The following ADAT3 variants were observed in gnomAD, a reference collection of about 807,000 sequenced individuals.
ADAT3 encodes tRNA-specific adenosine-34 deaminase regulatory subunit ADAT3.
In ADAT3, 2 loss-of-function variants were observed where a neutral mutation model predicts 3.5. That is an observed-to-expected ratio of 0.57 (90% CI 0.23 to 1.79). The LOEUF is 1.79. Among genes scored for constraint, ADAT3 ranks in the 40% most tolerant of loss-of-function variants. The pLI, the probability that ADAT3 is intolerant of heterozygous loss-of-function variation, is 0.18. For synonymous variants in ADAT3, 358 were observed against 270.3 expected, an observed-to-expected ratio of 1.32 and a Z score of -3.18; for missense variants, 735 against 571.4, an observed-to-expected ratio of 1.29 and a Z score of -2.92.
chr19:1,908,354 G>C lies in ADAT3; in HGVS notation c.-159+2915G>C, dbSNP rs1315378797. 3 of 385,112 alleles carry C rather than the reference G, an allele frequency of 7.8e-6. No individual in the cohort carries two copies. Among genetic ancestry groups the C allele is most frequent in the East Asian group, 1.5e-4 (2 of 13,620 alleles). 23.9% of individuals were successfully genotyped at this position (385,112 alleles called of 1,614,324 possible). A position where few individuals can be genotyped will look rare whatever the true frequency, so the allele number is the denominator to read the frequency against. On this transcript the variant is annotated intron_variant, in intron 1 of 1. Transcript: ENST00000329478. The surrounding 1 kb of genome is among the most constrained non-coding windows in gnomAD (Gnocchi z 4.2). ...CGTGACCTCCAAGGCCACTGGCCTG[G>C]AGTTCCACTGGCTGCTGGTCCCCCA...
At chr19:1,906,008 C>T (rs978118364) in intron 1 of ADAT3, 1 of 152,360 alleles carries the variant, frequency 6.6e-6, no homozygotes, top group East Asian at 1.9e-4. Flanking sequence ...CGAGGTTCCC[C>T]GCTGTCTTGC....
Position 1,912,266 on chromosome 19 carries a change from AC to A in ADAT3, c.220del (p.Arg74AlafsTer3). 1 of 1,593,696 alleles carries A rather than the reference AC, an allele frequency of 6.3e-7. No individual in the cohort carries two copies. Among genetic ancestry groups the A allele is most frequent in the Non-Finnish European group, 8.5e-7 (1 of 1,173,472 alleles). On this transcript the variant is annotated frameshift_variant, in exon 2 of 2. Coordinates refer to ENST00000329478, the MANE Select transcript of ADAT3 (RefSeq NM_138422.4). LOFTEE classifies it low-confidence loss of function (END_TRUNC). The stretch of plus-strand genomic sequence containing the variant: ...CCGTCCTGGACAAGCGCCAGACCTC[AC>A]GCCTCCTGAAGGAGGTGTCGGCCCT... ...APVLDKRQTS[R>X]LLKEVSALHP...
rs1333525661 is a variant in ADAT3, at chr19:1,912,197, G to C, written c.150G>C (p.Glu50Asp). 2.5e-6 allele frequency: 4 copies of C among 1,587,542 alleles called. No homozygotes were observed. In the South Asian group the frequency reaches 4.6e-5, roughly 18 times the overall value. The change falls in exon 2 of 2, where the codon GAG becomes GAC. Residue 50 changes from glutamate (E) to aspartate (D), a missense_variant. Glu to Asp is a conservative substitution (Grantham distance 45). Coordinates refer to ENST00000329478, the MANE Select transcript of ADAT3 (RefSeq NM_138422.4). Reference sequence around the variant, plus strand: ...GGCAGGCCCTCCCTGTCCTGTCCGAGAAGCAGTCAGGGGACGTGGAGCTGG... The same window carrying C: ...GGCAGGCCCTCCCTGTCCTGTCCGACAAGCAGTCAGGGGACGTGGAGCTGG... ...APWQALPVLSEKQSGDVELVL... is the reference protein window; with the variant it reads ...APWQALPVLSDKQSGDVELVL...
Position 1,912,837 on chromosome 19 carries a change from G to T in ADAT3, c.790G>T (p.Ala264Ser). Residue 264 changes from alanine to serine, a missense_variant, in exon 2 of 2, where the codon GCC becomes TCC. Ala to Ser is a moderately conservative substitution (Grantham distance 99, BLOSUM62 1). Coordinates refer to ENST00000329478, the MANE Select transcript of ADAT3 (RefSeq NM_138422.4). ...RGTYDFRPFP[A>S]CSFAPAAAPQ... ...CACCTACGACTTCAGACCCTTCCCC[G>T]CCTGCTCCTTCGCCCCGGCCGCTGC... The T allele has an allele frequency of 1.9e-6, 3 of 1,592,824 alleles. No individual in the cohort carries two copies. The highest frequency in any genetic ancestry group is 4.5e-5 in the East Asian group (2 of 44,426).
At chr19:1,906,436 G>A (rs944102160) in intron 1 of ADAT3, 14 of 151,976 alleles carry the variant, frequency 9.2e-5, no homozygotes, top group Admixed American at 3.9e-4. Flanking sequence ...CTACTTGGGA[G>A]GCTGAGGCAG....
In ADAT3 at chr19:1,912,120, G is replaced by A. The variant is rs761879035; in HGVS notation, c.73G>A (p.Glu25Lys). The A allele has an allele frequency of 2.3e-5, 35 of 1,542,118 alleles. No homozygotes were observed. The highest frequency in any genetic ancestry group is 2.9e-5 in the Non-Finnish European group (33 of 1,149,728). The change falls in exon 2 of 2, where the codon GAG (glutamate) becomes AAG (lysine). Residue 25 changes from glutamate to lysine, a missense_variant. By Grantham distance (56) the Glu-to-Lys change is moderately conservative. Transcript: ENST00000329478. The part of the protein sequence containing the change: ...LRMEPAPGLV[E>K]QPKCLEAGSP... The stretch of plus-strand genomic sequence containing the variant: ...GATGGAGCCCGCCCCGGGCCTCGTG[G>A]AGCAGCCCAAGTGCTTGGAGGCCGG...
chr19:1,908,916 C>T lies in ADAT3; in HGVS notation c.-158-2974C>T, dbSNP rs561528493. Among the ~76,000 whole-genome samples the T allele has an allele frequency of 2.0e-5, 3 of 152,042 alleles. No homozygotes were observed. The highest frequency in any genetic ancestry group is 2.0e-4 in the Admixed American group (3 of 15,252). ...GTCAGGAGTTCCAAGACCAGCCTGG[C>T]CAACATGGTGGAACCCCGTCTCTAC... On this transcript the variant is annotated intron_variant, in intron 1 of 1. Coordinates refer to ENST00000329478, the MANE Select transcript of ADAT3 (RefSeq NM_138422.4). The surrounding 1 kb of genome is among the most constrained non-coding windows in gnomAD (Gnocchi z 4.2).
In ADAT3 at chr19:1,913,311, A is replaced by G. The variant is rs978775318; in HGVS notation, c.*160A>G. ...CGGGTGCTGCCTTCCGTGCGGATCG[A>G]GCTTTCCTGGACTCGGTCATTGGGG... On this transcript the variant is annotated 3_prime_UTR_variant, in exon 2 of 2. Transcript: ENST00000329478. 8.6e-7 allele frequency: 1 copy of G among 1,157,142 alleles called. No homozygotes were observed. Among genetic ancestry groups the G allele is most frequent in the African/African-American group, 1.6e-5 (1 of 62,696 alleles). 71.7% of individuals were successfully genotyped at this position (1,157,142 alleles called of 1,614,324 possible).
intron 1 of ADAT3, chr19:1,906,381 T>A (rs2013114922): frequency 6.6e-6 from 1 of 152,164 alleles, no homozygotes; most frequent in African/African-American, 2.4e-5. Flanking sequence ...AAAAAAGATT[T>A]TTTTTTAATA....
chr19:1,905,921 T>TC (rs1446591483), intron 1 of ADAT3: 2 of 152,250 alleles, frequency 1.3e-5, no homozygotes, highest in African/African-American at 4.8e-5. Flanking sequence ...TCGTTCCTCA[T>TC]CGTTACCTAG....
At position 1,912,462 on chromosome 19, in the gene ADAT3, C is replaced by G. The variant is rs2013516865; in HGVS notation, c.415C>G (p.Pro139Ala). 1 of 1,505,124 alleles carries G rather than the reference C, an allele frequency of 6.6e-7. No individual in the cohort carries two copies. The highest frequency in any genetic ancestry group is 8.8e-7 in the Non-Finnish European group (1 of 1,134,212). The allele number at this position is 1,505,124 out of a possible 1,614,324, so 93.2% of individuals were successfully genotyped here. ...TGTGGACCCCCGCGGCCTGGGGCAA[C>G]CCTTCCTGGTGCCCGTGCCCGCCCG... ...PAVDPRGLGQ[P>A]FLVPVPARPP... Residue 139 changes from proline (P) to alanine (A), a missense_variant, in exon 2 of 2, where the codon CCC (proline) becomes GCC (alanine). By Grantham distance (27) the Pro-to-Ala change is conservative. Coordinates refer to ENST00000329478, the MANE Select transcript of ADAT3 (RefSeq NM_138422.4).
At chr19:1,911,853 T>A (rs1355679560) in intron 1 of ADAT3, 37 bp from the exon 2 acceptor site, 1 of 533,428 alleles carries the variant, frequency 1.9e-6, no homozygotes, top group Non-Finnish European at 2.9e-6. Flanking sequence ...TCTTCGTTTT[T>A]AAAAACCAAT....
intron 1 of ADAT3, among the ~76,000 whole-genome samples, chr19:1,910,042 C>T (rs1213507768): frequency 6.6e-6 from 1 of 152,206 alleles, no homozygotes; most frequent in Non-Finnish European, 1.5e-5. Flanking sequence ...CCGTGTCCCC[C>T]ACACTTGGCA....
chr19:1,912,882 G>T lies in ADAT3; in HGVS notation c.835G>T (p.Gly279Cys). 1 of 1,605,164 alleles carries T rather than the reference G, an allele frequency of 6.2e-7. No homozygotes were observed. ...PAAAPQAVRA[G>C]AVRKLDADED... is the part of the protein sequence containing the mutation. Reference sequence around the variant, plus strand: ...CGCTGCCCCCCAGGCCGTCCGCGCAGGCGCCGTGCGTAAACTGGACGCAGA... The same window carrying T: ...CGCTGCCCCCCAGGCCGTCCGCGCATGCGCCGTGCGTAAACTGGACGCAGA... Residue 279 changes from glycine (G) to cysteine (C), a missense_variant, in exon 2 of 2, where the codon GGC becomes TGC. By Grantham distance (159) the Gly-to-Cys change is radical (BLOSUM62 -3). Transcript: ENST00000329478.
In ADAT3 at chr19:1,905,426, C is replaced by A. The variant is rs1218421891; in HGVS notation, c.-172C>A. 4 of 463,324 alleles carry A rather than the reference C, an allele frequency of 8.6e-6. No homozygotes were observed. The allele number at this position is 463,324 out of a possible 1,614,324, so 28.7% of individuals were successfully genotyped here. ...GACTTGGCGAAGCGCTGCGCTCGCG[C>A]CCGGATCCCTCAGGTAAGCGCGCGG... On this transcript the variant is annotated 5_prime_UTR_variant, in exon 1 of 2. Transcript: ENST00000329478.
Position 1,912,136 on chromosome 19 carries a change from T to TGGAGGCCG in ADAT3, c.94_101dup (p.Ser34ArgfsTer46), listed in dbSNP as rs1284626721. On this transcript the variant is annotated frameshift_variant, in exon 2 of 2. Transcript: ENST00000329478. LOFTEE classifies it low-confidence loss of function (END_TRUNC). The stretch of plus-strand genomic sequence containing the variant: ...GGCCTCGTGGAGCAGCCCAAGTGCT[T>TGGAGGCCG]GGAGGCCGGGAGCCCGGAGCCTGAG... 3.2e-6 allele frequency: 5 copies of TGGAGGCCG among 1,557,450 alleles called. No individual in the cohort carries two copies. The highest frequency in any genetic ancestry group is 1.4e-5 in the African/African-American group (1 of 73,412).
In ADAT3 at chr19:1,905,428, C is replaced by T. The variant is rs548129125; in HGVS notation, c.-170C>T. ...CTTGGCGAAGCGCTGCGCTCGCGCCCGGATCCCTCAGGTAAGCGCGCGGCC... is the reference window on the plus strand; with the variant it reads ...CTTGGCGAAGCGCTGCGCTCGCGCCTGGATCCCTCAGGTAAGCGCGCGGCC... On this transcript the variant is annotated 5_prime_UTR_variant, in exon 1 of 2. Transcript: ENST00000329478. 4 of 463,704 alleles carry T rather than the reference C, an allele frequency of 8.6e-6. No individual in the cohort carries two copies. The highest frequency in any genetic ancestry group is 2.0e-5 in the African/African-American group (1 of 49,332). The allele number at this position is 463,704 out of a possible 1,614,324, so 28.7% of individuals were successfully genotyped here. A position where few individuals can be genotyped will look rare whatever the true frequency, so the allele number is the denominator to read the frequency against.
rs146212621 is a variant in ADAT3, at chr19:1,912,901, A to G, written c.854A>G (p.Asp285Gly). ...AVRAGAVRKL[D>G]ADEDGLPYLC... ...CGCGCAGGCGCCGTGCGTAAACTGG[A>G]CGCAGACGAGGACGGCCTCCCCTAC... The change falls in exon 2 of 2, where the codon GAC becomes GGC. Residue 285 changes from aspartate to glycine, a missense_variant. Physicochemically the swap from Asp to Gly is moderately conservative, Grantham distance 94. Transcript: ENST00000329478. 15 of 1,608,404 alleles carry G rather than the reference A, an allele frequency of 9.3e-6. No homozygotes were observed. In the Admixed American group the frequency reaches 2.5e-4, roughly 27 times the overall value.
chr19:1,912,756 C>G lies in ADAT3; in HGVS notation c.709C>G (p.Leu237Val). ...GHDCSCADNPLLHAVMVCVDL... is the reference protein window; with the variant it reads ...GHDCSCADNPVLHAVMVCVDL... ...CGACTGCAGCTGCGCGGACAACCCC[C>G]TCCTGCACGCCGTCATGGTGTGCGT... is the stretch of plus-strand genomic sequence containing the variant. Residue 237 changes from leucine (L) to valine (V), a missense_variant, in exon 2 of 2, where the codon CTC becomes GTC. Coordinates refer to ENST00000329478, the MANE Select transcript of ADAT3 (RefSeq NM_138422.4). 6.4e-7 allele frequency: 1 copy of G among 1,553,242 alleles called. No individual in the cohort carries two copies. The highest frequency in any genetic ancestry group is 8.6e-7 in the Non-Finnish European group (1 of 1,157,378).
Sources: allele counts gnomAD v4.1 joint callset (sites outside exome capture counted in the v4.1 genomes callset), GRCh38; gene constraint gnomAD v4.1.1; non-coding constraint Gnocchi (gnomAD v3.1); transcripts MANE v1.5; gene names NCBI Gene and HGNC (gene_info 2026-07-23, HGNC 2026-07-21).